The following SDK1 variants were observed in gnomAD, a reference collection of about 807,000 sequenced individuals.
SDK1 encodes protein sidekick-1.
A neutral mutation model predicts 245.5 loss-of-function variants in SDK1; 157 were observed. The ratio of observed to expected loss-of-function variants is 0.64; its 90% confidence interval spans 0.56 to 0.73. The LOEUF (loss-of-function observed/expected upper bound fraction) is 0.73, where lower values mean the gene tolerates loss of function less well. Ranked by LOEUF, SDK1 falls within the 30% of genes least tolerant of loss-of-function variation. The probability of loss-of-function intolerance (pLI) is 0.00; values close to 1 mark genes in which losing one functional copy is unlikely to be tolerated. For synonymous variants in SDK1, 1,647 were observed against 1,278.5 expected (o/e 1.29, Z -6.15); for missense variants, 3,583 against 3,002.3 (o/e 1.19, Z -4.52).
chr7:3,430,209 A>C (rs1299801639), intron 1 of SDK1, among the ~76,000 whole-genome samples: 2 of 152,190 alleles, frequency 1.3e-5, no homozygotes, highest in Non-Finnish European at 2.9e-5. Context: ...GTCACTTCTC[A>C]GGTATTCTAA....
rs114038232 is a variant in SDK1 at position 3,469,585 on chromosome 7, C to T, written c.299-149495C>T. On this transcript the variant is annotated intron_variant, in intron 1 of 44. Transcript: ENST00000404826. The stretch of plus-strand genomic sequence containing the variant: ...AGGGCCTATTCCTAGGTTGTTTTTG[C>T]AAAGAAAGTTTTTGTGTATGTATGC... Among the ~76,000 whole-genome samples the T allele has an allele frequency of 2.4e-3, 373 of 152,250 alleles. 4 individuals carry two copies. The highest frequency in any genetic ancestry group is 8.6e-3 in the African/African-American group (357 of 41,528).
chr7:3,405,732 AC>A (rs1554266765), intron 1 of SDK1, among the ~76,000 whole-genome samples: 1 of 151,858 alleles, frequency 6.6e-6, no homozygotes, highest in Non-Finnish European at 1.5e-5. Context: ...ATTAATGGAC[AC>A]TAGTCATCTT....
chr7:3,689,961 C>T (rs906260233), intron 4 of SDK1, among the ~76,000 whole-genome samples: 2 of 152,296 alleles, frequency 1.3e-5, no homozygotes, highest in East Asian at 1.9e-4. Flanking sequence ...TTTTGATCAT[C>T]CGTGTGGAAA....
chr7:3,647,666 G>A (rs1782892081), intron 4 of SDK1, among the ~76,000 whole-genome samples: 1 of 151,978 alleles, frequency 6.6e-6, no homozygotes, highest in African/African-American at 2.4e-5. Context: ...CTGACTTCAG[G>A]CAATCCACCC....
chr7:4,105,851 G>A (rs1390889714), intron 22 of SDK1, among the ~76,000 whole-genome samples: 1 of 152,220 alleles, frequency 6.6e-6, no homozygotes, highest in Non-Finnish European at 1.5e-5. Context: ...AGGGGGAAGA[G>A]TGGTGCAGGG....
At chr7:3,644,793 C>CAAAAACAAAAAA (rs1562626652) in intron 4 of SDK1, among the ~76,000 whole-genome samples, 13 of 108,864 alleles carry the variant, frequency 1.2e-4, no homozygotes, top group Non-Finnish European at 2.3e-4. Context: ...AAAAAAAAAA[C>CAAAAACAAAAAA]AAAAAACAAC....
At chr7:3,858,866 C>CTT (rs11464569) in intron 5 of SDK1, among the ~76,000 whole-genome samples, 32,353 of 131,184 alleles carry the variant, frequency 0.25, 4,419 homozygotes, top group African/African-American at 0.34. Flanking sequence ...TTTCTTTTTT[C>CTT]TTTTTTTTTT....
At chr7:4,130,173 G>A (rs1186122636) in intron 27 of SDK1, 76 bp downstream of exon 27, 3 of 1,411,076 alleles carry the variant, frequency 2.1e-6, no homozygotes, top group African/African-American at 1.5e-5. Context: ...AATTTGGATT[G>A]TTGTCGCTTT....
Position 3,478,924 on chromosome 7 carries a change from C to T in SDK1, c.299-140156C>T, listed in dbSNP as rs76989343. On this transcript the variant is annotated intron_variant, in intron 1 of 44. Transcript: ENST00000404826. The stretch of plus-strand genomic sequence containing the variant: ...GTATACTTTAGCTTTATGATTTCTT[C>T]TTTAATCAGTGGATTATTTAGAAAT... Among the ~76,000 whole-genome samples the T allele has an allele frequency of 8.5e-4, 129 of 152,010 alleles. 1 individual carries two copies. The East Asian group carries it at 0.023, about 28-fold the overall frequency.
chr7:3,578,223 C>T (rs555577968), intron 1 of SDK1, among the ~76,000 whole-genome samples: 46 of 152,086 alleles, frequency 3.0e-4, no homozygotes, highest in Admixed American at 5.9e-4. Flanking sequence ...CCATGATGCC[C>T]ACCTGAGCCG....
intron 31 of SDK1, among the ~76,000 whole-genome samples, chr7:4,159,401 G>T (rs1473610472): frequency 6.6e-6 from 1 of 152,196 alleles, no homozygotes; most frequent in African/African-American, 2.4e-5. Context: ...GCAACTCACA[G>T]AGGCTGTTTT....
In SDK1 at chr7:3,882,443, T is replaced by A. The variant is rs368992139; in HGVS notation, c.847+60860T>A. On this transcript the variant is annotated intron_variant, in intron 5 of 44. Transcript: ENST00000404826. ...TCTTTCTCTTCAAGGGCTTTGCTCA[T>A]TCTTCTCTCTTTTATCATCTGACCC... is the stretch of plus-strand genomic sequence containing the variant. Among the ~76,000 whole-genome samples the A allele has an allele frequency of 1.8e-3, 278 of 152,350 alleles. 4 individuals are homozygous for A. The South Asian group carries it at 0.028, about 15-fold the overall frequency.
At chr7:3,710,554 G>A (rs59839518) in intron 4 of SDK1, among the ~76,000 whole-genome samples, 47 of 152,228 alleles carry the variant, frequency 3.1e-4, no homozygotes, top group South Asian at 2.1e-3. Context: ...GTAGTTTCTC[G>A]TAGTTAAAAC....
At chr7:3,398,694 A>G (rs1778798703) in intron 1 of SDK1, among the ~76,000 whole-genome samples, 1 of 150,798 alleles carries the variant, frequency 6.6e-6, no homozygotes, top group Non-Finnish European at 1.5e-5. Context: ...AGTCTTCACC[A>G]GGAGAACATA....
intron 5 of SDK1, among the ~76,000 whole-genome samples, chr7:3,891,025 G>A (rs566205583): frequency 1.3e-5 from 2 of 152,288 alleles, no homozygotes; most frequent in East Asian, 3.9e-4. Flanking sequence ...GGCTCTATGT[G>A]TTTTACATTT....
intron 1 of SDK1, among the ~76,000 whole-genome samples, chr7:3,352,864 TC>T (rs1780697068): frequency 6.6e-6 from 1 of 152,138 alleles, no homozygotes; most frequent in South Asian, 2.1e-4. Flanking sequence ...TCCTGTATTT[TC>T]CGAAGAGTGG....
chr7:3,971,683 C>T, intron 12 of SDK1, 115 bp downstream of exon 12: 1 of 767,172 alleles, frequency 1.3e-6, no homozygotes, highest in Non-Finnish European at 2.2e-6. Flanking sequence ...CAGCAGGTCC[C>T]TGATTACGGT....
intron 4 of SDK1, among the ~76,000 whole-genome samples, chr7:3,650,264 C>G (rs1782969899): frequency 6.6e-6 from 1 of 152,116 alleles, no homozygotes; most frequent in African/African-American, 2.4e-5. Context: ...GGCACTAAGT[C>G]CATTCACAGT....
chr7:3,400,033 G>A (rs1334491720), intron 1 of SDK1, among the ~76,000 whole-genome samples: 1 of 152,092 alleles, frequency 6.6e-6, no homozygotes, highest in Admixed American at 6.6e-5. Flanking sequence ...TGTGAATGGG[G>A]CTTCCCTGAG....
Sources: gnomAD v4.1 joint callset for allele counts (sites outside exome capture counted in the v4.1 genomes callset) on GRCh38, gnomAD v4.1.1 for gene constraint, MANE v1.5 for transcripts, NCBI Gene and HGNC (gene_info 2026-07-23, HGNC 2026-07-21) for gene names.